Variants in TRAPPC9 observed in about 807,000 individuals in gnomAD.
TRAPPC9 encodes the protein IKK2 binding protein.
In TRAPPC9, 83 loss-of-function variants were observed where a neutral mutation model predicts 124.0. The observed-to-expected ratio is 0.67, with a 90% confidence interval of 0.56 to 0.80. The LOEUF (loss-of-function observed/expected upper bound fraction) is 0.80, where lower values mean the gene tolerates loss of function less well. Ranked by LOEUF, TRAPPC9 falls within the 30% of genes least tolerant of loss-of-function variation. The pLI is 0.00. For synonymous variants in TRAPPC9, 638 were observed against 617.5 expected, an observed-to-expected ratio of 1.03 and a Z score of -0.49; for missense variants, 1,302 against 1,508.3, an observed-to-expected ratio of 0.86 and a Z score of 2.27.
rs144897577 is a variant in TRAPPC9 at position 139,787,136 on chromosome 8, G to A, written c.3056-54934C>T. Among the ~76,000 whole-genome samples, 436 of 152,268 alleles carry A rather than the reference G, an allele frequency of 2.9e-3. 1 individual carries two copies. Among genetic ancestry groups the A allele is most frequent in the Middle Eastern group, 6.8e-3 (2 of 294 alleles). On this transcript the variant is annotated intron_variant, in intron 21 of 22. Coordinates refer to ENST00000438773, the MANE Select transcript of TRAPPC9 (RefSeq NM_001160372.4). ...TACTACCAGCACCCAGTAAGTCCTT[G>A]CCTTTCTTATGAAAACACAGCGAGC...
intron 17 of TRAPPC9, among the ~76,000 whole-genome samples, chr8:140,073,613 A>C (rs1187708640): frequency 6.6e-6 from 1 of 152,248 alleles, no homozygotes; most frequent in Non-Finnish European, 1.5e-5. Flanking sequence ...AGAAGGGTTA[A>C]TAGAATGTAT....
intron 17 of TRAPPC9, among the ~76,000 whole-genome samples, chr8:140,134,906 T>C (rs183322341): frequency 6.6e-6 from 1 of 152,282 alleles, no homozygotes; most frequent in African/African-American, 2.4e-5. Context: ...GAGAAAATAT[T>C]TGCAAATCAT....
At chr8:140,016,563 A>C (rs1444078587) in intron 18 of TRAPPC9, among the ~76,000 whole-genome samples, 4 of 151,964 alleles carry the variant, frequency 2.6e-5, no homozygotes, top group African/African-American at 9.7e-5. Context: ...TTCTTTTATG[A>C]CTCGATTCCT....
intron 16 of TRAPPC9, among the ~76,000 whole-genome samples, chr8:140,236,238 A>G (rs2063729270): frequency 6.6e-6 from 1 of 152,080 alleles, no homozygotes; most frequent in African/African-American, 2.4e-5. Context: ...GTGTGCCACC[A>G]TGCCCAGCTA....
intron 2 of TRAPPC9, among the ~76,000 whole-genome samples, chr8:140,445,285 T>C (rs1209252474): frequency 6.6e-6 from 1 of 152,234 alleles, no homozygotes; most frequent in Non-Finnish European, 1.5e-5. Flanking sequence ...CCCCAGCACC[T>C]AGCACAGCAC....
chr8:140,333,691 A>G (rs2066958144), intron 9 of TRAPPC9, among the ~76,000 whole-genome samples: 1 of 152,258 alleles, frequency 6.6e-6, no homozygotes, highest in South Asian at 2.1e-4. Context: ...GCGCCTGGCC[A>G]TAAAAACTAT....
intron 21 of TRAPPC9, among the ~76,000 whole-genome samples, chr8:139,830,614 G>A (rs181219702): frequency 0.016 from 2,411 of 147,744 alleles, 55 homozygotes; most frequent in African/African-American, 0.056. Flanking sequence ...TACACCACAC[G>A]CATACACACA....
At chr8:140,075,466 T>G (rs1417288990) in intron 17 of TRAPPC9, among the ~76,000 whole-genome samples, 7 of 152,098 alleles carry the variant, frequency 4.6e-5, no homozygotes, top group African/African-American at 1.7e-4. Flanking sequence ...CCTCTCCTCC[T>G]CCAGCCTGCT....
rs146677362 is a variant in TRAPPC9, at chr8:140,400,509, G to A, written c.1009-2764C>T. 3.6e-3 allele frequency among the ~76,000 whole-genome samples: 554 copies of A among 152,240 alleles called. 3 individuals are homozygous for A. Among genetic ancestry groups the A allele is most frequent in the Admixed American group, 6.0e-3 (92 of 15,296 alleles). On this transcript the variant is annotated intron_variant, in intron 6 of 22. Transcript: ENST00000438773. Reference sequence around the variant, plus strand: ...CATTTTACTTGGTTGCAAAACATCCGGCTCCCTGTGTGCTCAATGCTTTCT... The same window carrying A: ...CATTTTACTTGGTTGCAAAACATCCAGCTCCCTGTGTGCTCAATGCTTTCT...
intron 21 of TRAPPC9, among the ~76,000 whole-genome samples, chr8:139,797,560 A>ATATT (rs1406403193): frequency 2.0e-5 from 3 of 152,148 alleles, no homozygotes; most frequent in Non-Finnish European, 4.4e-5. Context: ...GCACCTGGCT[A>ATATT]TATTTATTTA....
chr8:140,382,804 G>C (rs541398337), intron 7 of TRAPPC9, among the ~76,000 whole-genome samples: 1 of 152,344 alleles, frequency 6.6e-6, no homozygotes, highest in East Asian at 1.9e-4. Context: ...TAGCTTTGAA[G>C]AGAGTAGTGG....
At chr8:139,859,465 CA>C (rs1439467442) in intron 21 of TRAPPC9, among the ~76,000 whole-genome samples, 15 of 152,210 alleles carry the variant, frequency 9.9e-5, no homozygotes, top group Non-Finnish European at 1.8e-4. Flanking sequence ...ATAGCAGAGG[CA>C]TCTGGATGGT....
At chr8:140,195,937 TCA>T (rs780463129) in intron 17 of TRAPPC9, among the ~76,000 whole-genome samples, 1 of 71,424 alleles carries the variant, frequency 1.4e-5, no homozygotes, top group Non-Finnish European at 3.5e-5. Context: ...ACCATACAGA[TCA>T]CACCTGTGAC....
intron 21 of TRAPPC9, among the ~76,000 whole-genome samples, chr8:139,766,955 T>G (rs1336566908): frequency 1.3e-5 from 2 of 152,228 alleles, no homozygotes; most frequent in Non-Finnish European, 2.9e-5. Flanking sequence ...TGCATGTCTG[T>G]GCCCACCACA....
chr8:139,973,490 C>T (rs1222515706), intron 19 of TRAPPC9, among the ~76,000 whole-genome samples: 1 of 152,248 alleles, frequency 6.6e-6, no homozygotes, highest in East Asian at 1.9e-4. Context: ...ACCAAGTCTA[C>T]CTTCCTACCA....
intron 17 of TRAPPC9, among the ~76,000 whole-genome samples, chr8:140,135,813 G>A (rs1002088209): frequency 6.6e-6 from 1 of 152,190 alleles, no homozygotes; most frequent in Admixed American, 6.5e-5. Context: ...TTTTAAAAGA[G>A]AGAACAAAAC....
chr8:139,853,014 G>T (rs1409389517), intron 21 of TRAPPC9, among the ~76,000 whole-genome samples: 2 of 152,184 alleles, frequency 1.3e-5, no homozygotes, highest in Non-Finnish European at 2.9e-5. Flanking sequence ...ATTCGCAAAG[G>T]TTCTTTGTAT....
intron 17 of TRAPPC9, among the ~76,000 whole-genome samples, chr8:140,049,271 C>G (rs1467080633): frequency 6.6e-6 from 1 of 152,200 alleles, no homozygotes; most frequent in African/African-American, 2.4e-5. Flanking sequence ...TGGCATGAGG[C>G]TCCTAAAACT....
intron 17 of TRAPPC9, among the ~76,000 whole-genome samples, chr8:140,169,158 C>A (rs1050864898): frequency 6.6e-6 from 1 of 150,922 alleles, no homozygotes; most frequent in African/African-American, 2.5e-5. Flanking sequence ...AATAAAATTG[C>A]TATTAGTTTT....
Sources: gnomAD v4.1 joint callset for allele counts (sites outside exome capture counted in the v4.1 genomes callset) on GRCh38, gnomAD v4.1.1 for gene constraint, MANE v1.5 for transcripts, NCBI Gene and HGNC (gene_info 2026-07-23, HGNC 2026-07-21) for gene names.